The following ST6GALNAC3 variants were observed in gnomAD, a reference collection of about 807,000 sequenced individuals.
ST6GALNAC3 encodes the protein ST6 N-acetylgalactosaminide alpha-2,6-sialyltransferase 3.
Under a neutral mutation model 32.7 loss-of-function variants are expected in ST6GALNAC3, and 25 were observed. That is an observed-to-expected ratio of 0.76 (90% confidence interval 0.56 to 1.07). The LOEUF is 1.07. Among genes scored for constraint, ST6GALNAC3 ranks in the 50% least tolerant of loss-of-function variants. The pLI, the probability that ST6GALNAC3 is intolerant of heterozygous loss-of-function variation, is 0.00. For missense variants in ST6GALNAC3, 355 were observed against 382.4 expected (o/e 0.93, Z 0.60); for synonymous variants, 129 against 133.1 (o/e 0.97, Z 0.21).
chr1:76,427,806 C>T (rs944808260), intron 3 of ST6GALNAC3, among the ~76,000 whole-genome samples: 8 of 152,052 alleles, frequency 5.3e-5, no homozygotes, highest in Non-Finnish European at 1.2e-4. Flanking sequence ...ACAGAAAAGC[C>T]CCGAAGGGCC....
At chr1:76,552,958 A>G (rs964040269) in intron 3 of ST6GALNAC3, among the ~76,000 whole-genome samples, 2 of 152,206 alleles carry the variant, frequency 1.3e-5, no homozygotes, top group African/African-American at 4.8e-5. Flanking sequence ...GTTAAATTTC[A>G]TGAAATATTT....
intron 3 of ST6GALNAC3, among the ~76,000 whole-genome samples, chr1:76,430,685 GCTT>G (rs1279995865): frequency 1.3e-5 from 2 of 152,036 alleles, no homozygotes; most frequent in Non-Finnish European, 2.9e-5. Context: ...TAGTTTGGCT[GCTT>G]CTTATCTTTT....
intron 1 of ST6GALNAC3, among the ~76,000 whole-genome samples, chr1:76,278,820 G>A (rs1659333276): frequency 6.6e-6 from 1 of 152,156 alleles, no homozygotes; most frequent in Non-Finnish European, 1.5e-5. Context: ...TTTACTCAAA[G>A]TCACAGAGCG....
chr1:76,349,432 T>C (rs1467293751), intron 2 of ST6GALNAC3, among the ~76,000 whole-genome samples: 2 of 152,182 alleles, frequency 1.3e-5, no homozygotes, highest in African/African-American at 4.8e-5. Context: ...TCTTCTCTCT[T>C]CTTGTTGCCT....
chr1:76,177,078 AC>A (rs1652901561), intron 1 of ST6GALNAC3, among the ~76,000 whole-genome samples: 1 of 152,228 alleles, frequency 6.6e-6, no homozygotes, highest in South Asian at 2.1e-4. Context: ...TTGTCTATTA[AC>A]AAAAAGTAAG....
chr1:76,224,300 C>T (rs777735617), intron 1 of ST6GALNAC3, among the ~76,000 whole-genome samples: 54 of 152,194 alleles, frequency 3.5e-4, no homozygotes, highest in Non-Finnish European at 6.5e-4. Context: ...CCTCTCCCCA[C>T]TAAGTTTGTG....
chr1:76,399,853 A>C (rs931641353), intron 2 of ST6GALNAC3, among the ~76,000 whole-genome samples: 1 of 152,138 alleles, frequency 6.6e-6, no homozygotes, highest in Non-Finnish European at 1.5e-5. Flanking sequence ...AATGAATGGC[A>C]TCTTTTCTTA....
intron 1 of ST6GALNAC3, among the ~76,000 whole-genome samples, chr1:76,112,940 G>A (rs1648166325): frequency 6.6e-6 from 1 of 152,152 alleles, no homozygotes; most frequent in South Asian, 2.1e-4. Flanking sequence ...CGGGGTGGCG[G>A]CCGGGCAGAG....
chr1:76,419,106 A>G (rs184075809), intron 3 of ST6GALNAC3, among the ~76,000 whole-genome samples: 2 of 152,060 alleles, frequency 1.3e-5, no homozygotes, highest in Admixed American at 1.3e-4. Context: ...GATGTATTTG[A>G]CAAGACAATT....
rs138986165 is a variant in ST6GALNAC3, at chr1:76,389,011, C to CTTTTTTTTTTTTTTTT, written c.214-22997_214-22996insTTTTTTTTTTTTTTTT. Among the ~76,000 whole-genome samples the CTTTTTTTTTTTTTTTT allele has an allele frequency of 2.6e-4, 28 of 107,896 alleles. 6 individuals are homozygous for CTTTTTTTTTTTTTTTT. Among genetic ancestry groups the CTTTTTTTTTTTTTTTT allele is most frequent in the Non-Finnish European group, 2.5e-4 (14 of 56,174 alleles). 70.8% of individuals were successfully genotyped at this position (107,896 alleles called of 152,430 possible). ...GGTGTGGTTGTTAGTTGGTATATTT[C>CTTTTTTTTTTTTTTTT]CTTTTTTTTTTTTTTTTGAGACAGA... On this transcript the variant is annotated intron_variant, in intron 2 of 4. Coordinates refer to ENST00000328299, the MANE Select transcript of ST6GALNAC3 (RefSeq NM_152996.4).
At chr1:76,618,232 G>A (rs534533745) in intron 3 of ST6GALNAC3, among the ~76,000 whole-genome samples, 1 of 152,316 alleles carries the variant, frequency 6.6e-6, no homozygotes, top group South Asian at 2.1e-4. Context: ...TTTAATAGTA[G>A]AGCCAGTAGA....
At chr1:76,306,203 T>G (rs929354850) in intron 1 of ST6GALNAC3, among the ~76,000 whole-genome samples, 1 of 152,060 alleles carries the variant, frequency 6.6e-6, no homozygotes, top group African/African-American at 2.4e-5. Context: ...AACTACAGGG[T>G]GCACTTGGTT....
intron 2 of ST6GALNAC3, among the ~76,000 whole-genome samples, chr1:76,359,676 A>G (rs779646824): frequency 3.3e-5 from 5 of 152,184 alleles, no homozygotes; most frequent in East Asian, 1.9e-4. Flanking sequence ...GAAAACTGAT[A>G]TAGTAAGGAT....
At chr1:76,507,476 A>G (rs1487024872) in intron 3 of ST6GALNAC3, among the ~76,000 whole-genome samples, 1 of 152,076 alleles carries the variant, frequency 6.6e-6, no homozygotes, top group Non-Finnish European at 1.5e-5. Context: ...GAAACCACCA[A>G]TCTACTTTCT....
chr1:76,516,761 G>A (rs1932260), intron 3 of ST6GALNAC3, among the ~76,000 whole-genome samples: 7,754 of 152,012 alleles, frequency 0.051, 270 homozygotes, highest in Middle Eastern at 0.11. Context: ...CTTAGTTCGT[G>A]TATATTTTCT....
chr1:76,135,836 G>A (rs1649913571), intron 1 of ST6GALNAC3, among the ~76,000 whole-genome samples: 1 of 152,124 alleles, frequency 6.6e-6, no homozygotes, highest in Admixed American at 6.5e-5. Context: ...ATACTCTTAG[G>A]TGTACATTAT....
At chr1:76,343,800 C>T (rs954488692) in intron 2 of ST6GALNAC3, among the ~76,000 whole-genome samples, 10 of 152,172 alleles carry the variant, frequency 6.6e-5, no homozygotes, top group Non-Finnish European at 4.4e-5. Context: ...ATGTTAATGC[C>T]ACAGAATAGC....
At chr1:76,363,043 C>G (rs1283058333) in intron 2 of ST6GALNAC3, among the ~76,000 whole-genome samples, 2 of 152,238 alleles carry the variant, frequency 1.3e-5, no homozygotes, top group African/African-American at 4.8e-5. Flanking sequence ...CATGAGGGAT[C>G]TGCTCCTGCA....
chr1:76,151,819 C>T (rs1246304743), intron 1 of ST6GALNAC3, among the ~76,000 whole-genome samples: 1 of 152,146 alleles, frequency 6.6e-6, no homozygotes, highest in East Asian at 1.9e-4. Context: ...TTCACCTTCC[C>T]AGGGATGCTA....
Sources: allele counts gnomAD v4.1 joint callset (sites outside exome capture counted in the v4.1 genomes callset), GRCh38; gene constraint gnomAD v4.1.1; transcripts MANE v1.5; gene names NCBI Gene and HGNC (gene_info 2026-07-23, HGNC 2026-07-21).